The following ANKRD11 variants were observed in gnomAD, a reference collection of about 807,000 sequenced individuals.
ANKRD11 encodes ankyrin repeat domain 11, also known as ankyrin repeat domain-containing protein 11.
Under a neutral mutation model 195.7 loss-of-function variants are expected in ANKRD11, and 17 were observed. That is an observed-to-expected ratio of 0.09 (90% CI 0.06 to 0.13). The LOEUF (loss-of-function observed/expected upper bound fraction) is 0.13. ANKRD11 is among the 10% of genes least tolerant of loss of function. The pLI, the probability that ANKRD11 is intolerant of heterozygous loss-of-function variation, is 1.00. For synonymous variants in ANKRD11, 1,953 were observed against 1,528.1 expected (o/e 1.28, Z -6.49); for missense variants, 3,735 against 3,566.1 (o/e 1.05, Z -1.21).
intron 2 of ANKRD11, among the ~76,000 whole-genome samples, chr16:89,384,588 G>A (rs1188102847): frequency 3.3e-5 from 5 of 152,106 alleles, no homozygotes; most frequent in Admixed American, 1.3e-4. Context: ...GACGGGATGG[G>A]GCAGGACAGA....
intron 2 of ANKRD11, among the ~76,000 whole-genome samples, chr16:89,402,091 C>G (rs1466224234): frequency 6.6e-6 from 1 of 152,180 alleles, no homozygotes; most frequent in African/African-American, 2.4e-5. Context: ...AAGTTTCACT[C>G]TCTGTCCATG....
chr16:89,270,314 T>G, intron 12 of ANKRD11: 2 of 234,922 alleles, frequency 8.5e-6, no homozygotes, highest in Non-Finnish European at 1.7e-5. Context: ...CTGTACAGGG[T>G]GACGCTGACT....
intron 2 of ANKRD11, among the ~76,000 whole-genome samples, chr16:89,388,059 A>G (rs1168189616): frequency 2.0e-5 from 3 of 151,922 alleles, no homozygotes; most frequent in African/African-American, 7.3e-5. Context: ...TTCCTTTTTT[A>G]AACTTCAGAC....
intron 2 of ANKRD11, among the ~76,000 whole-genome samples, chr16:89,365,455 T>A (rs1160678129): frequency 2.0e-5 from 3 of 152,206 alleles, no homozygotes; most frequent in African/African-American, 7.2e-5. Flanking sequence ...GCCTCCCAGA[T>A]GAGAGGCCTG....
chr16:89,303,504 G>A (rs865889805), intron 4 of ANKRD11, among the ~76,000 whole-genome samples: 3 of 152,154 alleles, frequency 2.0e-5, no homozygotes, highest in Non-Finnish European at 2.9e-5. Context: ...GTTCTTCCTC[G>A]GAGCTGTCCG....
At chr16:89,425,739 G>A (rs148903542) in intron 1 of ANKRD11, among the ~76,000 whole-genome samples, 3 of 152,132 alleles carry the variant, frequency 2.0e-5, no homozygotes, top group South Asian at 2.1e-4. Context: ...TATTCATTTC[G>A]TTTTCTCTGA....
Position 89,279,433 on chromosome 16 carries a change from T to G in ANKRD11, c.7109A>C (p.Lys2370Thr). The G allele has an allele frequency of 6.6e-7, 1 of 1,516,102 alleles. No individual in the cohort carries two copies. The highest frequency in any genetic ancestry group is 8.8e-7 in the Non-Finnish European group (1 of 1,131,206). 93.9% of individuals were successfully genotyped at this position (1,516,102 alleles called of 1,614,324 possible). A position where few individuals can be genotyped will look rare whatever the true frequency, so the allele number is the denominator to read the frequency against. Residue 2370 changes from lysine (K) to threonine (T), a missense_variant, in exon 9 of 13, where the codon AAG (lysine) becomes ACG (threonine). Transcript: ENST00000301030. The surrounding 1 kb of genome is among the most constrained non-coding windows in gnomAD (Gnocchi z 5.6). ...GTCGTCGTCCTCGGAGCCGCGGGCC[T>G]TGGCCCTGGTGACCGGGGCAGGGGT... ...APTPAPVTRAKARGSEDDDAQ... is the reference protein window; with the variant it reads ...APTPAPVTRATARGSEDDDAQ...
intron 2 of ANKRD11, among the ~76,000 whole-genome samples, chr16:89,363,299 T>C (rs1022872647): frequency 1.8e-4 from 28 of 152,160 alleles, no homozygotes; most frequent in Non-Finnish European, 7.3e-5. Flanking sequence ...TGACGGTGCA[T>C]GCGAATTTGT....
rs1451958286 is a variant in ANKRD11, at chr16:89,324,373, C to T, written c.-59-7295G>A. Reference sequence around the variant, plus strand: ...AAGAGGGAAAAAGCCAGGAGGGCGGCACGTGGGCGCAAAGTTCTCAGCTTC... The same window carrying T: ...AAGAGGGAAAAAGCCAGGAGGGCGGTACGTGGGCGCAAAGTTCTCAGCTTC... On this transcript the variant is annotated intron_variant, in intron 2 of 12. Transcript: ENST00000301030. 3 of 768,126 alleles carry T rather than the reference C, an allele frequency of 3.9e-6. No individual in the cohort carries two copies. The South Asian group carries it at 4.2e-5, about 11-fold the overall frequency. 47.6% of individuals were successfully genotyped at this position (768,126 alleles called of 1,614,324 possible).
intron 2 of ANKRD11, chr16:89,373,027 A>G (rs1237243884): frequency 6.6e-6 from 1 of 152,246 alleles, no homozygotes; most frequent in African/African-American, 2.4e-5. Flanking sequence ...CACTGCAAGG[A>G]AAGAATCTTC....
rs1290507172 is a variant in ANKRD11 at position 89,280,500 on chromosome 16, C to G, written c.6042G>C (p.Pro2014=). Residue 2014 remains proline, a synonymous_variant, in exon 9 of 13, where the codon CCG becomes CCC. Transcript: ENST00000301030. ...APGPFSASEA[P]YPAPPASPAP... ...CAGGAGAGGCGGGAGGGGCGGGGTA[C>G]GGCGCCTCCGAGGCGCTGAAGGGCC... The G allele has an allele frequency of 1.3e-6, 2 of 1,593,326 alleles. No homozygotes were observed. Among genetic ancestry groups the G allele is most frequent in the Non-Finnish European group, 1.7e-6 (2 of 1,170,822 alleles).
At chr16:89,312,186 C>A (rs898222735) in intron 3 of ANKRD11, among the ~76,000 whole-genome samples, 2 of 152,220 alleles carry the variant, frequency 1.3e-5, no homozygotes, top group Non-Finnish European at 2.9e-5. Flanking sequence ...GTGTGAGCCA[C>A]CGCACCTGGC....
At chr16:89,413,472 A>C (rs2042175641) in intron 2 of ANKRD11, among the ~76,000 whole-genome samples, 2 of 152,108 alleles carry the variant, frequency 1.3e-5, no homozygotes, top group Admixed American at 1.3e-4. Flanking sequence ...AAAGATACAA[A>C]AAATTAGCCG....
chr16:89,481,385 T>C (rs1457124809), intron 1 of ANKRD11, among the ~76,000 whole-genome samples: 3 of 152,046 alleles, frequency 2.0e-5, no homozygotes, highest in Admixed American at 6.6e-5. Flanking sequence ...CTAAGAAACA[T>C]AGCGAAACCC....
chr16:89,300,942 A>T (rs2035815602), intron 4 of ANKRD11: 1 of 695,302 alleles, frequency 1.4e-6, no homozygotes, highest in Non-Finnish European at 2.6e-6. Flanking sequence ...CTGCCCCAGG[A>T]CAAGCAGGAC....
At chr16:89,287,224 G>A (rs949796247) in intron 7 of ANKRD11, 6 of 615,568 alleles carry the variant, frequency 9.7e-6, no homozygotes, top group Admixed American at 6.7e-5. Context: ...GCGCAGGTGC[G>A]GCCCTCCTCG....
intron 2 of ANKRD11, among the ~76,000 whole-genome samples, chr16:89,413,762 C>T (rs1251655285): frequency 2.0e-5 from 3 of 152,194 alleles, no homozygotes; most frequent in Non-Finnish European, 4.4e-5. Flanking sequence ...ACAGAAACAG[C>T]CGACAAGCTC....
chr16:89,303,156 A>G (rs535428382), intron 4 of ANKRD11, among the ~76,000 whole-genome samples: 6 of 152,350 alleles, frequency 3.9e-5, no homozygotes, highest in African/African-American at 1.4e-4. Context: ...AGGAAGCAGA[A>G]GCAGATGCTT....
intron 2 of ANKRD11, chr16:89,395,957 C>T (rs562414501): frequency 6.6e-6 from 1 of 152,186 alleles, no homozygotes; most frequent in Non-Finnish European, 1.5e-5. Flanking sequence ...CTGCCGCACA[C>T]CAGACACAGC....
Sources: allele counts gnomAD v4.1 joint callset (sites outside exome capture counted in the v4.1 genomes callset), GRCh38; gene constraint gnomAD v4.1.1; non-coding constraint Gnocchi (gnomAD v3.1); transcripts MANE v1.5; gene names NCBI Gene and HGNC (gene_info 2026-07-23, HGNC 2026-07-21).